The following DPP4 variants were observed in gnomAD, a reference collection of about 807,000 sequenced individuals.
The protein encoded by DPP4 is ADCP-2.
In DPP4, 93 loss-of-function variants were observed where a neutral mutation model predicts 122.4. That is an observed-to-expected ratio of 0.76 (90% CI 0.64 to 0.90). The LOEUF (loss-of-function observed/expected upper bound fraction) is 0.90. Among genes scored for constraint, DPP4 ranks in the 40% least tolerant of loss-of-function variants. The pLI, the probability that DPP4 is intolerant of heterozygous loss-of-function variation, is 0.00. For synonymous variants in DPP4, 321 were observed against 302.9 expected, an observed-to-expected ratio of 1.06 and a Z score of -0.62; for missense variants, 914 against 907.3, an observed-to-expected ratio of 1.01 and a Z score of -0.09.
intron 2 of DPP4, among the ~76,000 whole-genome samples, chr2:162,064,854 A>C (rs1167280980): frequency 1.3e-5 from 2 of 152,254 alleles, no homozygotes; most frequent in Non-Finnish European, 2.9e-5. Context: ...TTAGGAAAGA[A>C]AGTGAGGAGA....
intron 10 of DPP4, among the ~76,000 whole-genome samples, chr2:162,032,475 A>G (rs1047130009): frequency 6.6e-6 from 1 of 152,162 alleles, no homozygotes; most frequent in Non-Finnish European, 1.5e-5. Flanking sequence ...ATCATGAGTC[A>G]GGAGTTCGAG....
chr2:162,025,077 C>G (rs1335604578), intron 10 of DPP4, 138 bp from the exon 11 acceptor site: 10 of 910,918 alleles, frequency 1.1e-5, no homozygotes, highest in Non-Finnish European at 1.6e-5. Flanking sequence ...GTTAATGAAA[C>G]CATTTAATAT....
intron 23 of DPP4, among the ~76,000 whole-genome samples, chr2:162,002,964 T>C (rs948518778): frequency 6.6e-6 from 1 of 152,228 alleles, no homozygotes; most frequent in African/African-American, 2.4e-5. Context: ...ATTCAGTTAG[T>C]GCATTTGCCT....
intron 25 of DPP4, among the ~76,000 whole-genome samples, chr2:161,994,356 T>G (rs1186528295): frequency 6.6e-6 from 1 of 152,218 alleles, no homozygotes; most frequent in East Asian, 1.9e-4. Flanking sequence ...TACGTTTTCC[T>G]TCATCTGAAA....
At position 162,045,594 on chromosome 2, in the gene DPP4, T is replaced by C; in HGVS notation, c.304A>G (p.Ile102Val). The change falls in exon 5 of 26, where the codon ATC becomes GTC. Residue 102 changes from isoleucine to valine, a missense_variant. By Grantham distance (29) the Ile-to-Val change is conservative (BLOSUM62 3). Transcript: ENST00000360534. Reference protein sequence around the residue: ...NSTFDEFGHSINDYSISPDGQ... With the variant: ...NSTFDEFGHSVNDYSISPDGQ... Reference sequence around the variant, plus strand: ...TCAGGAGATATTGAATAATCATTGATAGAATGTCCAAACTCATCCTGTCAA... The same window carrying C: ...TCAGGAGATATTGAATAATCATTGACAGAATGTCCAAACTCATCCTGTCAA... 1.2e-6 allele frequency: 2 copies of C among 1,612,530 alleles called. No homozygotes were observed. Among genetic ancestry groups the C allele is most frequent in the South Asian group, 1.1e-5 (1 of 91,024 alleles).
intron 10 of DPP4, among the ~76,000 whole-genome samples, chr2:162,029,175 C>T (rs1364533757): frequency 3.3e-5 from 5 of 152,200 alleles, no homozygotes; most frequent in Non-Finnish European, 7.3e-5. Flanking sequence ...CAGCATAATG[C>T]CTTGCAAACA....
At chr2:162,036,283 C>G (rs1683765582) in intron 8 of DPP4, among the ~76,000 whole-genome samples, 1 of 152,134 alleles carries the variant, frequency 6.6e-6, no homozygotes, top group African/African-American at 2.4e-5. Flanking sequence ...TACCTCCTTT[C>G]AAGTTACTTC....
chr2:162,065,574 C>G (rs554904625), intron 2 of DPP4, among the ~76,000 whole-genome samples: 3 of 152,116 alleles, frequency 2.0e-5, no homozygotes, highest in Non-Finnish European at 4.4e-5. Context: ...CCTTGAAGCC[C>G]AAAACATCCT....
At chr2:162,058,219 C>A (rs777700372) in intron 2 of DPP4, among the ~76,000 whole-genome samples, 113 of 152,148 alleles carry the variant, frequency 7.4e-4, no homozygotes, top group Non-Finnish European at 1.6e-3. Flanking sequence ...TTATTTTGAG[C>A]CTTGAGAGGT....
intron 2 of DPP4, among the ~76,000 whole-genome samples, chr2:162,071,289 A>G (rs1188811706): frequency 6.6e-6 from 1 of 152,174 alleles, no homozygotes; most frequent in Non-Finnish European, 1.5e-5. Context: ...TTTCTGGAAT[A>G]TCTTATCTCC....
chr2:162,073,133 G>A (rs185658664), intron 2 of DPP4: 3 of 324,682 alleles, frequency 9.2e-6, no homozygotes, highest in Non-Finnish European at 1.1e-5. Flanking sequence ...TAAAAATCCC[G>A]ACTCTCCCTA....
chr2:162,073,594 G>T (rs1341386716), intron 1 of DPP4, 108 bp from the exon 2 acceptor site: 17 of 1,051,470 alleles, frequency 1.6e-5, no homozygotes, highest in Non-Finnish European at 2.3e-5. Flanking sequence ...GTGGGAGTGC[G>T]TTAGAAGAGG....
chr2:162,064,473 T>C (rs754280838), intron 2 of DPP4, among the ~76,000 whole-genome samples: 1 of 152,248 alleles, frequency 6.6e-6, no homozygotes, highest in Non-Finnish European at 1.5e-5. Flanking sequence ...TGTTATTTAC[T>C]ATTTTATTTT....
At chr2:162,020,169 G>T in intron 14 of DPP4, 60 bp downstream of exon 14, 1 of 1,428,886 alleles carries the variant, frequency 7.0e-7, no homozygotes, top group Non-Finnish European at 9.7e-7. Flanking sequence ...CTACTTCTGG[G>T]CAAAGAGGGC....
intron 23 of DPP4, among the ~76,000 whole-genome samples, chr2:161,999,260 G>T (rs1166772088): frequency 5.3e-5 from 8 of 152,014 alleles, no homozygotes; most frequent in Admixed American, 5.2e-4. Context: ...GCCAGAAAAA[G>T]AAATAACAGG....
intron 11 of DPP4, 65 bp downstream of exon 11, chr2:162,024,739 C>T (rs1683256643): frequency 6.4e-7 from 1 of 1,564,154 alleles, no homozygotes. Context: ...CTTCACTCTC[C>T]CCAACTGCAC....
chr2:162,024,107 G>C (rs1189148598), intron 11 of DPP4, among the ~76,000 whole-genome samples: 2 of 152,176 alleles, frequency 1.3e-5, no homozygotes, highest in Non-Finnish European at 2.9e-5. Flanking sequence ...GTAGGCAGAG[G>C]GTCTGTGACT....
Position 161,993,304 on chromosome 2 carries a change from T to C in DPP4, c.2280A>G (p.Lys760=). The C allele has an allele frequency of 6.2e-7, 1 of 1,613,134 alleles. No homozygotes were observed. Among genetic ancestry groups the C allele is most frequent in the Non-Finnish European group, 8.5e-7 (1 of 1,179,166 alleles). Residue 760 remains lysine (K), a synonymous_variant, in exon 26 of 26, where the codon AAA becomes AAG. Coordinates refer to ENST00000360534, the MANE Select transcript of DPP4 (RefSeq NM_001935.4). ...GGTGCTAAGGTAAAGAGAAACATTGTTTTATGAAGTGGCTCATGTGGGTAT... is the reference window on the plus strand; with the variant it reads ...GGTGCTAAGGTAAAGAGAAACATTGCTTTATGAAGTGGCTCATGTGGGTAT... ...HIYTHMSHFI[K]QCFSLP is the part of the protein sequence containing the mutation.
intron 4 of DPP4, among the ~76,000 whole-genome samples, chr2:162,045,817 A>T (rs563071992): frequency 1.4e-4 from 21 of 152,236 alleles, no homozygotes; most frequent in Non-Finnish European, 7.3e-5. Context: ...AAAGGGAAGG[A>T]TTAATCCTAA....
Sources: allele counts gnomAD v4.1 joint callset (sites outside exome capture counted in the v4.1 genomes callset), GRCh38; gene constraint gnomAD v4.1.1; transcripts MANE v1.5; gene names NCBI Gene and HGNC (gene_info 2026-07-23, HGNC 2026-07-21).